The following ZNF169 variants were observed in gnomAD, a reference collection of about 807,000 sequenced individuals.
ZNF169 encodes zinc finger protein 169.
ZNF169 carries 11 observed loss-of-function variants against 12.0 expected under a neutral mutation model. That is an observed-to-expected ratio of 0.92 (90% CI 0.58 to 1.52). The LOEUF (loss-of-function observed/expected upper bound fraction) is 1.52. Among genes scored for constraint, ZNF169 ranks in the 40% most tolerant of loss-of-function variants. The pLI, the probability that ZNF169 is intolerant of heterozygous loss-of-function variation, is 0.00. For missense variants in ZNF169, 722 were observed against 744.0 expected (o/e 0.97, Z 0.34); for synonymous variants, 302 against 286.5 (o/e 1.05, Z -0.55).
chr9:94,289,055 A>G (rs1456542759), intron 2 of ZNF169, among the ~76,000 whole-genome samples: 3 of 152,156 alleles, frequency 2.0e-5, no homozygotes, highest in African/African-American at 7.2e-5. Flanking sequence ...ATGTTTTTAA[A>G]CAGAAAGAGT....
chr9:94,301,267 A>C lies in ZNF169; in HGVS notation c.1709A>C (p.Tyr570Ser), dbSNP rs748657947. ...CGGACCCATTCTGGGGAGAAGCCGT[A>C]TGTCTGCAGGGAGTGTGGGCGTGGC... The part of the protein sequence containing the change: ...HQRTHSGEKP[Y>S]VCRECGRGFS... Residue 570 changes from tyrosine (Y) to serine (S), a missense_variant, in exon 5 of 5, where the codon TAT becomes TCT. Tyr to Ser is a moderately radical substitution (Grantham distance 144). Coordinates refer to ENST00000395395, the MANE Select transcript of ZNF169 (RefSeq NM_194320.4). 5 of 1,613,986 alleles carry C rather than the reference A, an allele frequency of 3.1e-6. No homozygotes were observed. Among genetic ancestry groups the C allele is most frequent in the Admixed American group, 1.7e-5 (1 of 59,998 alleles).
At chr9:94,260,744 G>GC (rs1399204702) in intron 1 of ZNF169, among the ~76,000 whole-genome samples, 1 of 152,068 alleles carries the variant, frequency 6.6e-6, no homozygotes, top group Non-Finnish European at 1.5e-5. Context: ...GCCTCAGGGG[G>GC]CTGTTGAGTG....
intron 2 of ZNF169, chr9:94,287,903 G>T: frequency 1.0e-6 from 1 of 964,850 alleles, no homozygotes; most frequent in Non-Finnish European, 1.7e-6. Context: ...CGAAGCTAGT[G>T]TTACTGTTTC....
chr9:94,287,701 A>G (rs1244130683), intron 2 of ZNF169: 1 of 1,184,354 alleles, frequency 8.4e-7, no homozygotes, highest in Non-Finnish European at 1.3e-6. Flanking sequence ...GTGTTCATTT[A>G]TGCTTGAAAT....
intron 4 of ZNF169, chr9:94,293,320 ATT>A: frequency 1.7e-6 from 1 of 592,784 alleles, no homozygotes; most frequent in East Asian, 2.8e-5. Context: ...TCTCGAGCAC[ATT>A]CAGGATTTCT....
chr9:94,268,785 CAAAA>C (rs58102758), intron 1 of ZNF169, among the ~76,000 whole-genome samples: 21 of 113,324 alleles, frequency 1.9e-4, no homozygotes, highest in Admixed American at 1.5e-3. Context: ...GACTCCATTT[CAAAA>C]AAAAAAAAAA....
At chr9:94,287,908 T>C in intron 2 of ZNF169, 2 of 951,162 alleles carry the variant, frequency 2.1e-6, no homozygotes, top group East Asian at 4.9e-5. Flanking sequence ...CTAGTGTTAC[T>C]GTTTCCTGCT....
At chr9:94,271,739 A>T (rs1037154869) in intron 1 of ZNF169, among the ~76,000 whole-genome samples, 2 of 151,614 alleles carry the variant, frequency 1.3e-5, no homozygotes, top group Non-Finnish European at 2.9e-5. Context: ...AAAAAAAAAA[A>T]AGTTAAACTA....
chr9:94,267,963 T>C (rs1406451966), intron 1 of ZNF169, among the ~76,000 whole-genome samples: 1 of 149,336 alleles, frequency 6.7e-6, no homozygotes, highest in Non-Finnish European at 1.5e-5. Context: ...CCTCCTGGGT[T>C]CAAGCGATTC....
At chr9:94,274,102 C>T (rs1182522999) in intron 1 of ZNF169, among the ~76,000 whole-genome samples, 1 of 152,190 alleles carries the variant, frequency 6.6e-6, no homozygotes, top group Non-Finnish European at 1.5e-5. Context: ...TGTGTCTTCA[C>T]ATGGTCTTCC....
chr9:94,288,492 A>G (rs1365386698), intron 2 of ZNF169: 1 of 722,300 alleles, frequency 1.4e-6, no homozygotes, highest in East Asian at 3.3e-5. Context: ...ATCCATAGCC[A>G]TTGGTGAAGA....
At chr9:94,269,594 C>G (rs1234958647) in intron 1 of ZNF169, among the ~76,000 whole-genome samples, 1 of 152,148 alleles carries the variant, frequency 6.6e-6, no homozygotes, top group Non-Finnish European at 1.5e-5. Context: ...AAATTTGTTC[C>G]TGGACCAAAC....
chr9:94,282,368 G>A (rs1830655010), intron 2 of ZNF169, among the ~76,000 whole-genome samples: 3 of 152,154 alleles, frequency 2.0e-5, no homozygotes, highest in Admixed American at 2.0e-4. Flanking sequence ...TACATTTTAG[G>A]GAGACATGCG....
chr9:94,285,943 G>A (rs949082321), intron 2 of ZNF169, among the ~76,000 whole-genome samples: 5 of 151,112 alleles, frequency 3.3e-5, no homozygotes, highest in South Asian at 2.1e-4. Flanking sequence ...CCCAGGAGGC[G>A]GAGGTTGCAG....
chr9:94,293,909 A>G (rs1029147949), intron 4 of ZNF169: 2 of 152,256 alleles, frequency 1.3e-5, no homozygotes, highest in African/African-American at 4.8e-5. Flanking sequence ...ATAGCCCCAT[A>G]CTTTTCCTGA....
intron 1 of ZNF169, among the ~76,000 whole-genome samples, chr9:94,270,825 TATAAAATATATATA>T: frequency 5.5e-5 from 1 of 18,186 alleles, no homozygotes; most frequent in East Asian, 3.6e-3. Context: ...TATAAATATA[TATAAAATATATATA>T]TTATATTATA....
intron 1 of ZNF169, among the ~76,000 whole-genome samples, chr9:94,262,542 T>C (rs1830223155): frequency 6.6e-6 from 1 of 152,150 alleles, no homozygotes; most frequent in East Asian, 1.9e-4. Context: ...CACTGCAACC[T>C]CTGCCTCCCA....
At chr9:94,281,414 A>C (rs952876289) in intron 2 of ZNF169, among the ~76,000 whole-genome samples, 2 of 152,248 alleles carry the variant, frequency 1.3e-5, no homozygotes, top group Non-Finnish European at 2.9e-5. Flanking sequence ...GCTGGTAAGC[A>C]CAATATGTTA....
intron 1 of ZNF169, among the ~76,000 whole-genome samples, chr9:94,269,797 G>T (rs961010451): frequency 6.6e-6 from 1 of 152,154 alleles, no homozygotes; most frequent in Non-Finnish European, 1.5e-5. Context: ...GTGTGCATTT[G>T]TCTAAAGATG....
Sources: gnomAD v4.1 joint callset for allele counts (sites outside exome capture counted in the v4.1 genomes callset) on GRCh38, gnomAD v4.1.1 for gene constraint, MANE v1.5 for transcripts, NCBI Gene and HGNC (gene_info 2026-07-23, HGNC 2026-07-21) for gene names.